Variants in SYNPO observed in about 807,000 individuals in gnomAD.
SYNPO encodes the protein synaptopodin.
SYNPO carries 19 observed loss-of-function variants against 49.5 expected under a neutral mutation model. That is an observed-to-expected ratio of 0.38 (90% CI 0.27 to 0.56). SYNPO has a LOEUF of 0.56. Ranked by LOEUF, SYNPO falls within the 20% of genes least tolerant of loss-of-function variation. The probability of loss-of-function intolerance (pLI) is 0.68; values close to 1 mark genes in which losing one functional copy is unlikely to be tolerated. For synonymous variants in SYNPO, 536 were observed against 548.0 expected (o/e 0.98, Z 0.31); for missense variants, 1,131 against 1,248.3 (o/e 0.91, Z 1.42).
chr5:150,589,431 C>G, the SYNPO span, among the ~76,000 whole-genome samples: 8 of 152,186 alleles, frequency 5.3e-5, no homozygotes, highest in Non-Finnish European at 4.4e-5. Flanking sequence ...TACTGTCCTG[C>G]CATATAGACG....
chr5:150,648,339 G>GA lies in SYNPO; in HGVS notation c.66dup (p.Glu23ArgfsTer39). ...CCTGGAGAAGGTGGCCAGTGAGGAG[G>GA]AAGAGGTACCACTGGTGGTTTATCT... On this transcript the variant is annotated frameshift_variant, in exon 2 of 3. Transcript: ENST00000307662. LOFTEE classifies it high-confidence loss of function. The surrounding 1 kb of genome is among the most constrained non-coding windows in gnomAD (Gnocchi z 5.0). 6.2e-7 allele frequency: 1 copy of GA among 1,614,202 alleles called. No homozygotes were observed. The highest frequency in any genetic ancestry group is 8.5e-7 in the Non-Finnish European group (1 of 1,180,026).
At chr5:150,632,589 C>A (rs1202889381) in intron 2 of SYNPO, among the ~76,000 whole-genome samples, 1 of 152,100 alleles carries the variant, frequency 6.6e-6, no homozygotes, top group African/African-American at 2.4e-5. Context: ...ATCTGCTCAC[C>A]CCCTGAGAGC....
At position 150,648,567 on chromosome 5, in the gene SYNPO, C is replaced by G; in HGVS notation, c.292C>G (p.Gln98Glu). Residue 98 changes from glutamine (Q) to glutamate (E), a missense_variant, in exon 2 of 3, where the codon CAG becomes GAG. Physicochemically the swap from Gln to Glu is conservative, Grantham distance 29. This residue lies in a region of SYNPO where 602 missense variants were observed against 720.7 expected (regional missense o/e 0.84). Coordinates refer to ENST00000307662, the MANE Select transcript of SYNPO (RefSeq NM_007286.6). This position sits in a 1 kb window ranked among gnomAD's most constrained non-coding sequence, Gnocchi z 5.0. ...CAATCCGCCAGCCACCGATGTCAATCAGAACCCACCGGCAACTGTTGTCCC... is the reference window on the plus strand; with the variant it reads ...CAATCCGCCAGCCACCGATGTCAATGAGAACCCACCGGCAACTGTTGTCCC... ...SHNPPATDVN[Q>E]NPPATVVPQS... is the part of the protein sequence containing the mutation. 1 of 1,614,216 alleles carries G rather than the reference C, an allele frequency of 6.2e-7. No homozygotes were observed. Among genetic ancestry groups the G allele is most frequent in the Non-Finnish European group, 8.5e-7 (1 of 1,180,052 alleles).
intron 1 of SYNPO, among the ~76,000 whole-genome samples, chr5:150,642,254 C>T (rs1371171453): frequency 6.6e-6 from 1 of 152,204 alleles, no homozygotes; most frequent in Non-Finnish European, 1.5e-5. Flanking sequence ...TCAGGATTTA[C>T]CCTGTTGGAC....
At chr5:150,610,760 C>T (rs926274916) in intron 1 of SYNPO, among the ~76,000 whole-genome samples, 1 of 152,002 alleles carries the variant, frequency 6.6e-6, no homozygotes, top group African/African-American at 2.4e-5. Flanking sequence ...AGATGCTCTA[C>T]CAATAACGAA....
the SYNPO span, among the ~76,000 whole-genome samples, chr5:150,595,758 G>A: frequency 1.2e-4 from 19 of 152,192 alleles, no homozygotes; most frequent in Non-Finnish European, 2.6e-4. Flanking sequence ...CAAAACATGA[G>A]GCAGGAGGAA....
At chr5:150,605,753 CACACAT>C (rs750433873) in intron 1 of SYNPO, among the ~76,000 whole-genome samples, 2,359 of 128,420 alleles carry the variant, frequency 0.018, 28 homozygotes, top group Middle Eastern at 0.04. Flanking sequence ...ACCACACACA[CACACAT>C]ACACACACAC....
In SYNPO at chr5:150,657,124, C is replaced by A. The variant is rs1242702658; in HGVS notation, c.*37C>A. 6.5e-7 allele frequency: 1 copy of A among 1,540,806 alleles called. No individual in the cohort carries two copies. The highest frequency in any genetic ancestry group is 1.4e-5 in the African/African-American group (1 of 73,178). On this transcript the variant is annotated 3_prime_UTR_variant, in exon 3 of 3. Transcript: ENST00000307662. ...CGACCCCACCCCGGGAGGGCAGAGC[C>A]AGAAGAAGGCTCATTAGACCTGGGG...
At chr5:150,625,449 G>A (rs892891327) in intron 2 of SYNPO, among the ~76,000 whole-genome samples, 12 of 152,188 alleles carry the variant, frequency 7.9e-5, no homozygotes, top group Admixed American at 2.6e-4. Context: ...TGTGCCGGTG[G>A]GGCACACAGG....
the SYNPO span, among the ~76,000 whole-genome samples, chr5:150,587,443 A>G: frequency 1.3e-5 from 2 of 151,976 alleles, no homozygotes; most frequent in African/African-American, 2.4e-5. Flanking sequence ...AACGAGTGGA[A>G]GAATGTATAG....
intron 2 of SYNPO, among the ~76,000 whole-genome samples, chr5:150,622,961 T>G (rs1757227887): frequency 2.6e-5 from 4 of 152,208 alleles, no homozygotes; most frequent in Admixed American, 2.0e-4. Context: ...ATCACACATA[T>G]GCACTCACAC....
At chr5:150,593,389 C>T in the SYNPO span, among the ~76,000 whole-genome samples, 1 of 152,218 alleles carries the variant, frequency 6.6e-6, no homozygotes, top group East Asian at 1.9e-4. Flanking sequence ...ATTTGTTGTG[C>T]AGCTTCAGGC....
At chr5:150,646,185 A>C (rs1178663011) in intron 1 of SYNPO, among the ~76,000 whole-genome samples, 2 of 151,748 alleles carry the variant, frequency 1.3e-5, no homozygotes, top group East Asian at 3.9e-4. Flanking sequence ...CAAAAAAAAA[A>C]AAAAATTGGC....
chr5:150,652,148 T>G, intron 2 of SYNPO: 1 of 1,001,960 alleles, frequency 1.0e-6, no homozygotes, highest in Non-Finnish European at 1.2e-6. Context: ...GAGTTGTGAG[T>G]GAGCTCAGCT....
the SYNPO span, among the ~76,000 whole-genome samples, chr5:150,588,822 A>G: frequency 1.3e-5 from 2 of 152,048 alleles, no homozygotes; most frequent in Non-Finnish European, 2.9e-5. Flanking sequence ...AAAAATTTGT[A>G]TTGCACAGTC....
intron 1 of SYNPO, among the ~76,000 whole-genome samples, chr5:150,603,030 G>C (rs963122025): frequency 1.3e-5 from 2 of 151,380 alleles, no homozygotes; most frequent in African/African-American, 4.9e-5. Flanking sequence ...GTGTGTGTGT[G>C]TGTGTGTGTG....
chr5:150,628,300 G>A (rs1757430333), intron 2 of SYNPO, among the ~76,000 whole-genome samples: 1 of 152,158 alleles, frequency 6.6e-6, no homozygotes, highest in African/African-American at 2.4e-5. Context: ...TGCAGACCCT[G>A]CCCTACCCTA....
intron 1 of SYNPO, among the ~76,000 whole-genome samples, chr5:150,613,323 G>C (rs558162953): frequency 7.9e-5 from 12 of 152,178 alleles, no homozygotes; most frequent in South Asian, 2.1e-4. Context: ...GCAACCAAAG[G>C]CTGTCACAAA....
chr5:150,641,818 T>C (rs941920851), intron 1 of SYNPO, among the ~76,000 whole-genome samples: 4 of 152,224 alleles, frequency 2.6e-5, no homozygotes, highest in African/African-American at 9.7e-5. Flanking sequence ...TCTAGGCAGC[T>C]GGGTTTTCAG....
Sources: allele counts gnomAD v4.1 joint callset (sites outside exome capture counted in the v4.1 genomes callset), GRCh38; gene constraint gnomAD v4.1.1; regional missense constraint gnomAD v4.1.1; non-coding constraint Gnocchi (gnomAD v3.1); transcripts MANE v1.5; gene names NCBI Gene and HGNC (gene_info 2026-07-23, HGNC 2026-07-21).